CNTNAP2: variants seen among roughly 807,000 people sequenced by gnomAD.
CNTNAP2 encodes the protein contactin associated protein 2.
A neutral mutation model predicts 155.2 loss-of-function variants in CNTNAP2; 98 were observed. The ratio of observed to expected loss-of-function variants is 0.63; its 90% confidence interval spans 0.54 to 0.75. The LOEUF (loss-of-function observed/expected upper bound fraction) is 0.75. CNTNAP2 is among the 30% of genes least tolerant of loss of function. CNTNAP2 has a pLI of 0.00. For synonymous variants in CNTNAP2, 651 were observed against 631.2 expected (o/e 1.03, Z -0.47); for missense variants, 1,727 against 1,688.1 (o/e 1.02, Z -0.40).
rs112032394 is a variant in CNTNAP2 at position 147,332,194 on chromosome 7, C to T, written c.1498+31904C>T. The stretch of plus-strand genomic sequence containing the variant: ...GGCCAAGAACACGGGAAATAATAGC[C>T]GTATTTTCTTCTACACTGGTTCAAC... On this transcript the variant is annotated intron_variant, in intron 9 of 23. Coordinates refer to ENST00000361727, the MANE Select transcript of CNTNAP2 (RefSeq NM_014141.6). Among the ~76,000 whole-genome samples, 637 of 152,186 alleles carry T rather than the reference C, an allele frequency of 4.2e-3. 6 individuals are homozygous for T. The highest frequency in any genetic ancestry group is 0.015 in the African/African-American group (607 of 41,530).
chr7:147,029,969 GA>G (rs1198985424), intron 3 of CNTNAP2, among the ~76,000 whole-genome samples: 3 of 152,120 alleles, frequency 2.0e-5, no homozygotes, highest in African/African-American at 7.2e-5. Context: ...ACTTTCCAAA[GA>G]GTATATCATC....
chr7:147,560,744 A>C (rs920915139), intron 11 of CNTNAP2, among the ~76,000 whole-genome samples: 3 of 151,014 alleles, frequency 2.0e-5, no homozygotes, highest in African/African-American at 7.3e-5. Flanking sequence ...CAAAGGGAGG[A>C]AATGAGGGAG....
At chr7:147,602,697 T>A (rs1234844359) in intron 12 of CNTNAP2, among the ~76,000 whole-genome samples, 1 of 151,336 alleles carries the variant, frequency 6.6e-6, no homozygotes, top group African/African-American at 2.4e-5. Flanking sequence ...TGTCCATGTA[T>A]TCTCATTGTT....
intron 15 of CNTNAP2, among the ~76,000 whole-genome samples, chr7:147,984,385 G>C (rs1418873018): frequency 6.6e-6 from 1 of 152,098 alleles, no homozygotes; most frequent in Non-Finnish European, 1.5e-5. Flanking sequence ...TTTAGTTTTG[G>C]TTCACAGTAC....
chr7:146,273,595 T>A (rs1395643889), intron 1 of CNTNAP2, among the ~76,000 whole-genome samples: 1 of 152,148 alleles, frequency 6.6e-6, no homozygotes, highest in East Asian at 1.9e-4. Flanking sequence ...TGAAATAAAA[T>A]CAGTGAAGAA....
chr7:146,456,782 T>TGTCTATA (rs11281257), intron 1 of CNTNAP2, among the ~76,000 whole-genome samples: 4,096 of 152,168 alleles, frequency 0.027, 167 homozygotes, highest in African/African-American at 0.092. Flanking sequence ...AAAATAAATA[T>TGTCTATA]GTCTATAAGC....
chr7:146,289,362 T>C (rs892701175), intron 1 of CNTNAP2, among the ~76,000 whole-genome samples: 17 of 152,224 alleles, frequency 1.1e-4, no homozygotes, highest in Non-Finnish European at 1.2e-4. Flanking sequence ...GAGAGTTGCA[T>C]TGAGCCACAT....
At position 148,420,656 on chromosome 7, in the gene CNTNAP2, T is replaced by C. The variant is rs1313885779; in HGVS notation, c.*5040T>C. On this transcript the variant is annotated 3_prime_UTR_variant, in exon 24 of 24. Transcript: ENST00000361727. ...CTGCTTTCGGAGATGGCTGTGAAAA[T>C]ATGGAAGTTCCTCTCAAGTAGGCCA... 6.6e-6 allele frequency: 1 copy of C among 152,524 alleles called. No individual in the cohort carries two copies. The highest frequency in any genetic ancestry group is 1.5e-5 in the Non-Finnish European group (1 of 68,044). The allele number at this position is 152,524 out of a possible 1,614,324, so 9.4% of individuals were successfully genotyped here.
At chr7:146,941,985 T>C (rs1797067439) in intron 3 of CNTNAP2, among the ~76,000 whole-genome samples, 1 of 152,086 alleles carries the variant, frequency 6.6e-6, no homozygotes, top group African/African-American at 2.4e-5. Context: ...CTTATTTGTA[T>C]AGAATCTGAA....
chr7:146,849,977 T>C (rs1420130076), intron 3 of CNTNAP2, among the ~76,000 whole-genome samples: 4 of 152,214 alleles, frequency 2.6e-5, no homozygotes, highest in African/African-American at 9.6e-5. Context: ...CCATTCTATG[T>C]GTTTCACTTA....
chr7:146,904,284 G>A (rs1016897880), intron 3 of CNTNAP2, among the ~76,000 whole-genome samples: 5 of 151,964 alleles, frequency 3.3e-5, no homozygotes, highest in East Asian at 1.9e-4. Context: ...CTCTATACAC[G>A]TCACCTTTTC....
intron 1 of CNTNAP2, among the ~76,000 whole-genome samples, chr7:146,657,068 C>T (rs1375636168): frequency 6.6e-6 from 1 of 152,166 alleles, no homozygotes; most frequent in Non-Finnish European, 1.5e-5. Context: ...TCATCTCTCT[C>T]TCTCTGTAGC....
chr7:146,308,658 A>C (rs1461703440), intron 1 of CNTNAP2, among the ~76,000 whole-genome samples: 2 of 152,176 alleles, frequency 1.3e-5, no homozygotes, highest in Non-Finnish European at 2.9e-5. Flanking sequence ...GTAAAAAATG[A>C]TGAGTTCATG....
At chr7:146,252,204 G>A (rs1161478324) in intron 1 of CNTNAP2, among the ~76,000 whole-genome samples, 2 of 152,202 alleles carry the variant, frequency 1.3e-5, no homozygotes, top group East Asian at 3.8e-4. Context: ...GCAGCCACAT[G>A]ACTTGGCAGA....
intron 8 of CNTNAP2, among the ~76,000 whole-genome samples, chr7:147,259,095 T>C (rs1373003502): frequency 6.6e-6 from 1 of 152,216 alleles, no homozygotes; most frequent in Non-Finnish European, 1.5e-5. Flanking sequence ...GTGTGCGTTA[T>C]GGGTTGTAGC....
intron 9 of CNTNAP2, among the ~76,000 whole-genome samples, chr7:147,382,779 G>A (rs1796557479): frequency 6.6e-6 from 1 of 152,174 alleles, no homozygotes; most frequent in Admixed American, 6.5e-5. Context: ...TAAGAGACAA[G>A]AAGTCAGTAC....
chr7:147,786,126 CTA>C (rs1797735375), intron 13 of CNTNAP2, among the ~76,000 whole-genome samples: 1 of 151,684 alleles, frequency 6.6e-6, no homozygotes, highest in Non-Finnish European at 1.5e-5. Context: ...CCCGTCTCTA[CTA>C]AAAATACAAA....
chr7:146,504,949 C>T (rs971009122), intron 1 of CNTNAP2, among the ~76,000 whole-genome samples: 6 of 152,226 alleles, frequency 3.9e-5, no homozygotes. Context: ...CAGACAACCA[C>T]CCCACGGTGA....
chr7:148,381,150 C>T (rs560577727), intron 21 of CNTNAP2, among the ~76,000 whole-genome samples: 22 of 152,202 alleles, frequency 1.4e-4, no homozygotes, highest in Non-Finnish European at 3.2e-4. Context: ...AGGGGTGGTG[C>T]CTGCAACCCC....
Sources: allele counts gnomAD v4.1 joint callset (sites outside exome capture counted in the v4.1 genomes callset), GRCh38; gene constraint gnomAD v4.1.1; transcripts MANE v1.5; gene names NCBI Gene and HGNC (gene_info 2026-07-23, HGNC 2026-07-21).